Variants in TRPM3 observed in about 807,000 individuals in gnomAD.
TRPM3 encodes transient receptor potential cation channel subfamily M member 3.
TRPM3 carries 77 observed loss-of-function variants against 181.2 expected under a neutral mutation model. That is an observed-to-expected ratio of 0.42 (90% CI 0.35 to 0.51). The LOEUF (loss-of-function observed/expected upper bound fraction) is 0.51. TRPM3 is among the 20% of genes least tolerant of loss of function. TRPM3 has a pLI of 0.01. For missense variants in TRPM3, 1,759 were observed against 2,196.7 expected, an observed-to-expected ratio of 0.80 and a Z score of 3.98; for synonymous variants, 745 against 796.4, an observed-to-expected ratio of 0.94 and a Z score of 1.09.
intron 1 of TRPM3, among the ~76,000 whole-genome samples, chr9:71,410,006 C>A (rs944196925): frequency 4.6e-5 from 7 of 152,210 alleles, no homozygotes; most frequent in Admixed American, 2.6e-4. Flanking sequence ...TCCTGAATGA[C>A]TACTGGGTAC....
chr9:70,688,646 A>G (rs1043815141), intron 8 of TRPM3, among the ~76,000 whole-genome samples: 1 of 152,172 alleles, frequency 6.6e-6, no homozygotes, highest in Non-Finnish European at 1.5e-5. Context: ...AGCTGGGCTG[A>G]GCATCTTGCT....
At chr9:71,160,041 T>C (rs1362462337) in intron 1 of TRPM3, among the ~76,000 whole-genome samples, 1 of 152,062 alleles carries the variant, frequency 6.6e-6, no homozygotes, top group Non-Finnish European at 1.5e-5. Context: ...TACACATCAG[T>C]TTACTTCTCT....
chr9:70,841,456 A>T (rs2094616580), intron 5 of TRPM3, among the ~76,000 whole-genome samples: 1 of 143,784 alleles, frequency 7.0e-6, no homozygotes, highest in African/African-American at 2.6e-5. Context: ...CACTTAAAAC[A>T]AAGGTTCTAA....
chr9:70,602,071 G>A (rs2060099129), intron 20 of TRPM3, among the ~76,000 whole-genome samples: 1 of 147,226 alleles, frequency 6.8e-6, no homozygotes, highest in African/African-American at 2.5e-5. Context: ...GAAGACCGAA[G>A]TGCAGACAAC....
At chr9:71,187,805 G>A (rs556619640) in intron 1 of TRPM3, among the ~76,000 whole-genome samples, 1 of 151,734 alleles carries the variant, frequency 6.6e-6, no homozygotes, top group Non-Finnish European at 1.5e-5. Context: ...TATGAACATA[G>A]TTTTCATAAC....
At chr9:70,987,626 GTTCT>G (rs1211789874) in intron 1 of TRPM3, among the ~76,000 whole-genome samples, 1 of 151,972 alleles carries the variant, frequency 6.6e-6, no homozygotes, top group Non-Finnish European at 1.5e-5. Context: ...GTTCAAAGAG[GTTCT>G]TTCTGTCATT....
At chr9:70,595,647 A>T (rs192877505) in intron 21 of TRPM3, among the ~76,000 whole-genome samples, 101 of 152,262 alleles carry the variant, frequency 6.6e-4, no homozygotes, top group Non-Finnish European at 1.2e-3. Flanking sequence ...CTGTCCAGAA[A>T]ATTCACACAC....
chr9:71,124,176 C>T (rs764846327), upstream of TRPM3, among the ~76,000 whole-genome samples: 2 of 151,992 alleles, frequency 1.3e-5, no homozygotes, highest in East Asian at 1.9e-4. Context: ...TCACTGGGGA[C>T]GCTTTGTGCC....
chr9:71,132,454 C>T (rs957863788), intron 1 of TRPM3, among the ~76,000 whole-genome samples: 6 of 152,056 alleles, frequency 3.9e-5, no homozygotes, highest in African/African-American at 1.4e-4. Flanking sequence ...CAATGGTTGT[C>T]AGGGATCATT....
intron 1 of TRPM3, among the ~76,000 whole-genome samples, chr9:71,399,475 T>C (rs956276341): frequency 6.6e-6 from 1 of 151,436 alleles, no homozygotes; most frequent in Non-Finnish European, 1.5e-5. Flanking sequence ...AAGCTATCTT[T>C]GGATAATTTA....
intron 8 of TRPM3, among the ~76,000 whole-genome samples, chr9:70,740,329 A>C (rs1460387488): frequency 2.0e-5 from 3 of 152,192 alleles, no homozygotes; most frequent in African/African-American, 7.2e-5. Context: ...GATGACACAA[A>C]AACATAGGAA....
chr9:70,994,544 G>A (rs1232936787), intron 1 of TRPM3, among the ~76,000 whole-genome samples: 1 of 151,692 alleles, frequency 6.6e-6, no homozygotes, highest in Non-Finnish European at 1.5e-5. Context: ...AACCTATGTG[G>A]TTTCCTGAAG....
At chr9:71,371,461 G>A (rs79702441) in intron 1 of TRPM3, among the ~76,000 whole-genome samples, 1 of 152,302 alleles carries the variant, frequency 6.6e-6, no homozygotes, top group Non-Finnish European at 1.5e-5. Flanking sequence ...AAGCATCAGT[G>A]GAGGAAGTAA....
intron 1 of TRPM3, among the ~76,000 whole-genome samples, chr9:71,333,254 G>C (rs2090338473): frequency 6.6e-6 from 1 of 151,894 alleles, no homozygotes; most frequent in Non-Finnish European, 1.5e-5. Context: ...GAACTGGTCA[G>C]AACTCAGCTC....
At chr9:70,569,608 G>A (rs1346153231) in intron 22 of TRPM3, among the ~76,000 whole-genome samples, 1 of 152,122 alleles carries the variant, frequency 6.6e-6, no homozygotes, top group African/African-American at 2.4e-5. Flanking sequence ...TTTATCAACT[G>A]GTAGAAGTCT....
chr9:71,311,817 A>T (rs766828421), intron 1 of TRPM3, among the ~76,000 whole-genome samples: 2 of 151,952 alleles, frequency 1.3e-5, no homozygotes, highest in Non-Finnish European at 2.9e-5. Flanking sequence ...ATATAAAAAT[A>T]AAAAAACAAA....
intron 21 of TRPM3, among the ~76,000 whole-genome samples, chr9:70,594,058 G>GA (rs543617523): frequency 6.2e-5 from 9 of 146,274 alleles, no homozygotes; most frequent in Non-Finnish European, 1.3e-4. Context: ...TAGCTACATG[G>GA]AAAAAAACTC....
chr9:71,139,401 TA>T (rs1325624335), intron 1 of TRPM3, among the ~76,000 whole-genome samples: 2 of 152,218 alleles, frequency 1.3e-5, no homozygotes, highest in Non-Finnish European at 2.9e-5. Context: ...CCACTCATCT[TA>T]ATTGGTATTT....
intron 1 of TRPM3, among the ~76,000 whole-genome samples, chr9:71,114,637 G>C (rs1185505725): frequency 1.3e-5 from 2 of 152,126 alleles, no homozygotes; most frequent in Non-Finnish European, 2.9e-5. Flanking sequence ...GGGGAGTCTA[G>C]AATTATGGGC....
Sources: allele counts gnomAD v4.1 joint callset (sites outside exome capture counted in the v4.1 genomes callset), GRCh38; gene constraint gnomAD v4.1.1; transcripts MANE v1.5; gene names NCBI Gene and HGNC (gene_info 2026-07-23, HGNC 2026-07-21).